The following DDX19A variants were observed in gnomAD, a reference collection of about 807,000 sequenced individuals.
DDX19A encodes ATP-dependent RNA helicase DDX19A.
A neutral mutation model predicts 60.6 loss-of-function variants in DDX19A; 12 were observed. That is an observed-to-expected ratio of 0.20 (90% CI 0.13 to 0.32). DDX19A has a LOEUF of 0.32. Ranked by LOEUF, DDX19A falls within the 10% of genes least tolerant of loss-of-function variation. DDX19A has a pLI of 1.00. For synonymous variants in DDX19A, 206 were observed against 218.2 expected, an observed-to-expected ratio of 0.94 and a Z score of 0.49; for missense variants, 337 against 600.6, an observed-to-expected ratio of 0.56 and a Z score of 4.59.
At chr16:70,347,575 A>G (rs985295582) in intron 1 of DDX19A, among the ~76,000 whole-genome samples, 1 of 152,192 alleles carries the variant, frequency 6.6e-6, no homozygotes, top group African/African-American at 2.4e-5. Context: ...TCTTTCAGTA[A>G]TGAATATTCA....
intron 9 of DDX19A, among the ~76,000 whole-genome samples, chr16:70,369,394 T>C (rs1426385340): frequency 1.3e-5 from 2 of 150,630 alleles, no homozygotes; most frequent in Non-Finnish European, 3.0e-5. Context: ...TGGTCAGGCT[T>C]GTGTTGAACT....
intron 8 of DDX19A, 147 bp downstream of exon 8, chr16:70,366,409 C>T (rs553026012): frequency 1.9e-5 from 25 of 1,324,802 alleles, no homozygotes; most frequent in African/African-American, 1.6e-4. Context: ...TCCATGTCAG[C>T]GCTGATCACA....
chr16:70,355,988 G>A (rs956224500), intron 3 of DDX19A, 124 bp from the exon 4 acceptor site: 5 of 1,234,436 alleles, frequency 4.1e-6, no homozygotes, highest in Non-Finnish European at 5.8e-6. Context: ...ACCTATCAGT[G>A]TGATGGTTTT....
intron 4 of DDX19A, among the ~76,000 whole-genome samples, chr16:70,357,687 C>T (rs1964255138): frequency 1.3e-5 from 2 of 151,728 alleles, no homozygotes; most frequent in Non-Finnish European, 2.9e-5. Flanking sequence ...CCCGGCCTTA[C>T]GTTTTAGGTT....
intron 4 of DDX19A, among the ~76,000 whole-genome samples, chr16:70,358,972 T>A (rs1964297144): frequency 6.6e-6 from 1 of 152,234 alleles, no homozygotes. Context: ...ATGATTTCCT[T>A]AGAGTGACAG....
intron 10 of DDX19A, 191 bp from the exon 11 acceptor site, chr16:70,371,181 C>G: frequency 1.0e-6 from 1 of 1,004,628 alleles, no homozygotes; most frequent in East Asian, 2.6e-5. Context: ...TTGGCACTTG[C>G]CAAAGTTCTC....
At chr16:70,351,232 G>T (rs1213636265) in intron 2 of DDX19A, among the ~76,000 whole-genome samples, 1 of 151,086 alleles carries the variant, frequency 6.6e-6, no homozygotes, top group African/African-American at 2.4e-5. Context: ...TTGAGACAGG[G>T]TCTCACTCTG....
intron 3 of DDX19A, 192 bp from the exon 4 acceptor site, chr16:70,355,920 C>G: frequency 1.4e-6 from 1 of 697,426 alleles, no homozygotes; most frequent in Non-Finnish European, 2.3e-6. Context: ...TCTGATTGCT[C>G]CACTGCACTC....
At chr16:70,362,761 T>C (rs1040026026) in intron 5 of DDX19A, among the ~76,000 whole-genome samples, 3 of 151,990 alleles carry the variant, frequency 2.0e-5, no homozygotes, top group African/African-American at 4.8e-5. Context: ...AAAAACTTTT[T>C]TGTAGTTTGA....
chr16:70,367,367 G>T (rs1964549494), intron 9 of DDX19A, among the ~76,000 whole-genome samples: 1 of 151,476 alleles, frequency 6.6e-6, no homozygotes, highest in Non-Finnish European at 1.5e-5. Flanking sequence ...GGCAGAGCTT[G>T]CAGTGAGCCG....
chr16:70,371,132 G>C, intron 10 of DDX19A: 2 of 671,996 alleles, frequency 3.0e-6, no homozygotes, highest in Non-Finnish European at 5.0e-6. Flanking sequence ...CCAGAACATT[G>C]TGTCTCCCAG....
chr16:70,347,713 A>G (rs1483912775), intron 1 of DDX19A, among the ~76,000 whole-genome samples: 1 of 152,118 alleles, frequency 6.6e-6, no homozygotes, highest in Non-Finnish European at 1.5e-5. Flanking sequence ...CTTTTGAGGC[A>G]GAGTTTTGCT....
Position 70,363,032 on chromosome 16 carries a change from TG to T in DDX19A, c.387-1510del, listed in dbSNP as rs1007564733. 1.3e-3 allele frequency among the ~76,000 whole-genome samples: 195 copies of T among 149,870 alleles called. 2 individuals are homozygous for T. The Middle Eastern group carries it at 0.024, about 19-fold the overall frequency. ...CTGTCTCAAAAAAAAAAAAAAAATT[TG>T]TAGAGACAGGGTATCACTATGTTGC... On this transcript the variant is annotated intron_variant, in intron 5 of 11. Coordinates refer to ENST00000302243, the MANE Select transcript of DDX19A (RefSeq NM_018332.5).
chr16:70,361,254 G>C (rs1964356883), intron 4 of DDX19A, among the ~76,000 whole-genome samples, 164 bp from the exon 5 acceptor site: 1 of 152,280 alleles, frequency 6.6e-6, no homozygotes, highest in South Asian at 2.1e-4. Context: ...CGGTAGCTTG[G>C]TTTGATTTGG....
At chr16:70,366,997 CT>C in intron 9 of DDX19A, 136 bp downstream of exon 9, 1 of 1,014,752 alleles carries the variant, frequency 9.9e-7, no homozygotes, top group Non-Finnish European at 1.5e-6. Flanking sequence ...ACAGGCTCTC[CT>C]TTAGTGGGGG....
chr16:70,348,802 C>A (rs987360877), intron 1 of DDX19A, among the ~76,000 whole-genome samples: 1 of 151,470 alleles, frequency 6.6e-6, no homozygotes, highest in Non-Finnish European at 1.5e-5. Flanking sequence ...ATTAGCTGGG[C>A]GGGGTGGTGG....
At chr16:70,351,998 A>G (rs1468287437) in intron 2 of DDX19A, among the ~76,000 whole-genome samples, 1 of 152,140 alleles carries the variant, frequency 6.6e-6, no homozygotes, top group Non-Finnish European at 1.5e-5. Context: ...CTATTTCAAA[A>G]TAAGGTCACA....
Position 70,371,397 on chromosome 16 carries a change from C to T in DDX19A, c.1209C>T (p.Val403=), listed in dbSNP as rs374262478. The T allele has an allele frequency of 2.6e-5, 42 of 1,613,178 alleles. No homozygotes were observed. Among genetic ancestry groups the T allele is most frequent in the East Asian group, 8.9e-5 (4 of 44,892 alleles). ...GCATTGATGTTGAACAAGTGTCTGT[C>T]GTCATCAACTTTGATCTTCCCGTGG... ...ARGIDVEQVS[V]VINFDLPVDK... The change falls in exon 11 of 12, where the codon GTC becomes GTT. Residue 403 remains valine (V), a synonymous_variant. Transcript: ENST00000302243.
At position 70,372,766 on chromosome 16, in the gene DDX19A, A is replaced by G. The variant is rs1373237922; in HGVS notation, c.*780A>G. On this transcript the variant is annotated 3_prime_UTR_variant, in exon 12 of 12. Coordinates refer to ENST00000302243, the MANE Select transcript of DDX19A (RefSeq NM_018332.5). ...CCCCTGGTACTCAGTCACGGCAGCC[A>G]GGAGACCCCAGGTGAGTTTCTGAGC... The G allele has an allele frequency of 6.6e-6, 1 of 152,320 alleles. No individual in the cohort carries two copies. The highest frequency in any genetic ancestry group is 1.9e-4 in the East Asian group (1 of 5,190). 9.4% of individuals were successfully genotyped at this position (152,320 alleles called of 1,614,324 possible).
Sources: gnomAD v4.1 joint callset for allele counts (sites outside exome capture counted in the v4.1 genomes callset) on GRCh38, gnomAD v4.1.1 for gene constraint, MANE v1.5 for transcripts, NCBI Gene and HGNC (gene_info 2026-07-23, HGNC 2026-07-21) for gene names.